Variants in ODAM observed in about 807,000 individuals in gnomAD.
ODAM encodes the protein odontogenic, ameloblast associated.
A neutral mutation model predicts 48.5 loss-of-function variants in ODAM; 55 were observed. That is an observed-to-expected ratio of 1.13 (90% CI 0.91 to 1.42). ODAM has a LOEUF of 1.42. Among genes scored for constraint, ODAM ranks in the 40% most tolerant of loss-of-function variants. ODAM has a pLI of 0.00. For missense variants in ODAM, 353 were observed against 323.6 expected, an observed-to-expected ratio of 1.09 and a Z score of -0.70; for synonymous variants, 127 against 107.8, an observed-to-expected ratio of 1.18 and a Z score of -1.10.
At chr4:70,197,802 T>A in intron 4 of ODAM, 122 bp from the exon 5 acceptor site, 1 of 723,726 alleles carries the variant, frequency 1.4e-6, no homozygotes, top group Non-Finnish European at 2.3e-6. Context: ...CTGTCCTTTT[T>A]TATGTTGCAA....
At chr4:70,203,050 A>G in intron 10 of ODAM, 106 bp from the exon 11 acceptor site, 1 of 1,305,814 alleles carries the variant, frequency 7.7e-7, no homozygotes, top group South Asian at 1.3e-5. Flanking sequence ...ATGTGGTCTT[A>G]ACTCTGAATA....
chr4:70,198,491 T>C (rs553329531), intron 5 of ODAM, 88 bp from the exon 6 acceptor site: 2 of 1,026,682 alleles, frequency 1.9e-6, no homozygotes, highest in East Asian at 5.0e-5. Flanking sequence ...AGGATAAATT[T>C]ATATGGCTAG....
At chr4:70,201,411 A>G (rs1729490220) in intron 7 of ODAM, 43 bp from the exon 8 acceptor site, 1 of 964,362 alleles carries the variant, frequency 1.0e-6, no homozygotes. Flanking sequence ...TACGACAAGA[A>G]TAATCACAGA....
chr4:70,199,212 A>G (rs1377027632), intron 6 of ODAM, among the ~76,000 whole-genome samples: 2 of 152,030 alleles, frequency 1.3e-5, no homozygotes, highest in Non-Finnish European at 2.9e-5. Context: ...ATTAATATGG[A>G]AAACCCTATA....
At chr4:70,203,850 C>T (rs1422388254) in intron 11 of ODAM, among the ~76,000 whole-genome samples, 3 of 151,868 alleles carry the variant, frequency 2.0e-5, no homozygotes, top group Non-Finnish European at 4.4e-5. Context: ...GCCTGTGAGC[C>T]TCTTTTGATC....
chr4:70,202,761 A>G lies in ODAM; in HGVS notation c.654A>G (p.Thr218=), dbSNP rs754598201. 2 of 1,605,912 alleles carry G rather than the reference A, an allele frequency of 1.2e-6. No individual in the cohort carries two copies. The highest frequency in any genetic ancestry group is 2.7e-5 in the African/African-American group (2 of 74,442). Residue 218 remains threonine, a synonymous_variant, in exon 10 of 12, where the codon ACA becomes ACG. Transcript: ENST00000683306. Reference sequence around the variant, plus strand: ...TTCATTCTCATTCTCTGTAGTCAACAGGAGAAGAGATACCATATTTACAAA... The same window carrying G: ...TTCATTCTCATTCTCTGTAGTCAACGGGAGAAGAGATACCATATTTACAAA... ...GTAPEIAVMS[T]GEEIPYLQKE...
At position 70,202,327 on chromosome 4, in the gene ODAM, A is replaced by T. The variant is rs765404497; in HGVS notation, c.646A>T (p.Met216Leu). The T allele has an allele frequency of 8.7e-6, 14 of 1,609,556 alleles. No individual in the cohort carries two copies. The Admixed American group carries it at 2.0e-4, about 23-fold the overall frequency. ...AGGCACAGCTCCTGAAATTGCTGTG[A>T]TGGTAAGATTCCTTACAACACTTTG... Reference protein sequence around the residue: ...QLGTAPEIAVMSTGEEIPYLQ... With the variant: ...QLGTAPEIAVLSTGEEIPYLQ... Residue 216 changes from methionine (M) to leucine (L), a missense_variant and splice_region_variant, in exon 9 of 12, where the codon ATG becomes TTG. Physicochemically the swap from Met to Leu is conservative, Grantham distance 15. Transcript: ENST00000683306.
At chr4:70,200,683 T>G (rs1429945247) in intron 7 of ODAM, 82 bp downstream of exon 7, 8 of 859,676 alleles carry the variant, frequency 9.3e-6, no homozygotes, top group Non-Finnish European at 1.5e-5. Flanking sequence ...GAAAAAAAGT[T>G]TCTGAGTATA....
rs1729573032 is a variant in ODAM at position 70,204,447 on chromosome 4, T to C, written c.*302T>C. On this transcript the variant is annotated 3_prime_UTR_variant, in exon 12 of 12. Coordinates refer to ENST00000683306, the MANE Select transcript of ODAM (RefSeq NM_017855.4). ...AATAAAGCTAGTATCATTAAATCAA[T>C]TGGATAATTGCATTAGTAAATGATG... The C allele has an allele frequency of 1.3e-5, 2 of 152,130 alleles. No homozygotes were observed. The highest frequency in any genetic ancestry group is 1.3e-4 in the Admixed American group (2 of 15,242). The allele number at this position is 152,130 out of a possible 1,614,324, so 9.4% of individuals were successfully genotyped here.
At chr4:70,200,246 CT>C (rs1729467218) in intron 6 of ODAM, 1 of 384,954 alleles carries the variant, frequency 2.6e-6, no homozygotes, top group Admixed American at 4.5e-5. Context: ...AAAAGCTCTT[CT>C]GCTTAGTTCA....
chr4:70,198,132 C>G lies in ODAM; in HGVS notation c.350C>G (p.Pro117Arg). ...QVDPLQLQTP[P>R]QTQPGPSHVM... ...GATCCCTTACAGCTTCAAACACCGC[C>G]TCAGACACAACCAGGCCCCAGTCAC... Residue 117 changes from proline to arginine, a missense_variant, in exon 5 of 12, where the codon CCT becomes CGT. Coordinates refer to ENST00000683306, the MANE Select transcript of ODAM (RefSeq NM_017855.4). The G allele has an allele frequency of 6.2e-7, 1 of 1,613,140 alleles. No individual in the cohort carries two copies. Among genetic ancestry groups the G allele is most frequent in the Non-Finnish European group, 8.5e-7 (1 of 1,179,474 alleles).
In ODAM at chr4:70,204,174, G is replaced by A. The variant is rs1291617284; in HGVS notation, c.*30-1G>A. On this transcript the variant is annotated splice_acceptor_variant, in intron 11 of 11. Coordinates refer to ENST00000683306, the MANE Select transcript of ODAM (RefSeq NM_017855.4). LOFTEE classifies it low-confidence loss of function (3UTR_SPLICE). ...AAATGCTTTTCTATTATATTTTTCA[G>A]GGAAAAAGATGTGGCCATGCCTTGG... 2 of 151,770 alleles carry A rather than the reference G, an allele frequency of 1.3e-5. No individual in the cohort carries two copies. Among genetic ancestry groups the A allele is most frequent in the African/African-American group, 2.4e-5 (1 of 41,318 alleles). The allele number at this position is 151,770 out of a possible 1,614,324, so 9.4% of individuals were successfully genotyped here.
intron 5 of ODAM, 107 bp from the exon 6 acceptor site, chr4:70,198,472 T>C: frequency 1.1e-6 from 1 of 886,084 alleles, no homozygotes; most frequent in South Asian, 1.7e-5. Flanking sequence ...TGGAAACTTG[T>C]TAACACAAAG....
At chr4:70,203,622 T>C in intron 11 of ODAM, among the ~76,000 whole-genome samples, 1 of 151,900 alleles carries the variant, frequency 6.6e-6, no homozygotes, top group Admixed American at 6.6e-5. Flanking sequence ...AATTGTACAA[T>C]GAAAAGAAAA....
At chr4:70,202,423 T>A (rs1729520254) in intron 9 of ODAM, 94 bp downstream of exon 9, 7 of 1,033,740 alleles carry the variant, frequency 6.8e-6, no homozygotes, top group African/African-American at 1.6e-5. Flanking sequence ...TCTGTTGTAA[T>A]TCCATCAATA....
At chr4:70,197,450 C>T (rs1284448966) in intron 4 of ODAM, 129 bp downstream of exon 4, 1 of 693,120 alleles carries the variant, frequency 1.4e-6, no homozygotes, top group Non-Finnish European at 2.6e-6. Context: ...ATGAATTTGT[C>T]TCATATGTTC....
At position 70,197,958 on chromosome 4, in the gene ODAM, G is replaced by T; in HGVS notation, c.176G>T (p.Gly59Val). The change falls in exon 5 of 12, where the codon GGA (glycine) becomes GTA (valine). Residue 59 changes from glycine to valine, a missense_variant. Transcript: ENST00000683306. ...PLNSWIPPFS[G>V]ILQQQQQAQI... ...AATTCATGGATTCCACCTTTCTCTG[G>T]AATTTTACAACAGCAGCAGCAGGCT... 1 of 1,613,114 alleles carries T rather than the reference G, an allele frequency of 6.2e-7. No individual in the cohort carries two copies. Among genetic ancestry groups the T allele is most frequent in the East Asian group, 2.2e-5 (1 of 44,828 alleles).
chr4:70,198,118 G>A lies in ODAM; in HGVS notation c.336G>A (p.Gln112=). 6.2e-7 allele frequency: 1 copy of A among 1,613,126 alleles called. No homozygotes were observed. Among genetic ancestry groups the A allele is most frequent in the Non-Finnish European group, 8.5e-7 (1 of 1,179,502 alleles). The part of the protein sequence containing the change: ...GAQAGQVDPL[Q]LQTPPQTQPG... Reference sequence around the variant, plus strand: ...AGGCAGGCCAAGTTGATCCCTTACAGCTTCAAACACCGCCTCAGACACAAC... The same window carrying A: ...AGGCAGGCCAAGTTGATCCCTTACAACTTCAAACACCGCCTCAGACACAAC... Residue 112 remains glutamine (Q), a synonymous_variant, in exon 5 of 12, where the codon CAG becomes CAA. Transcript: ENST00000683306.
intron 4 of ODAM, 109 bp from the exon 5 acceptor site, chr4:70,197,815 T>C: frequency 1.3e-6 from 1 of 780,740 alleles, no homozygotes; most frequent in Non-Finnish European, 2.1e-6. Context: ...TGTTGCAACA[T>C]TGGAACTATA....
Sources: gnomAD v4.1 joint callset for allele counts (sites outside exome capture counted in the v4.1 genomes callset) on GRCh38, gnomAD v4.1.1 for gene constraint, MANE v1.5 for transcripts, NCBI Gene and HGNC (gene_info 2026-07-23, HGNC 2026-07-21) for gene names.